ROM1: variants seen among roughly 807,000 people sequenced by gnomAD.
ROM1 encodes the protein retinal outer segment membrane protein 1.
A neutral mutation model predicts 23.0 loss-of-function variants in ROM1; 17 were observed. The observed-to-expected ratio is 0.74, with a 90% CI of 0.51 to 1.11. The LOEUF (loss-of-function observed/expected upper bound fraction) is 1.11. ROM1 is among the 50% of genes least tolerant of loss of function. The probability of loss-of-function intolerance (pLI) is 0.00; values close to 1 mark genes in which losing one functional copy is unlikely to be tolerated. For synonymous variants in ROM1, 200 were observed against 206.5 expected (o/e 0.97, Z 0.27); for missense variants, 436 against 439.7 (o/e 0.99, Z 0.08).
At position 62,614,456 on chromosome 11, in the gene ROM1, CTTGGCAGGCACACTGGGT is replaced by C. The variant is rs1942979267; in HGVS notation, c.790_807del (p.Leu264_Gly269del). 1.2e-6 allele frequency: 2 copies of C among 1,614,088 alleles called. No individual in the cohort carries two copies. The highest frequency in any genetic ancestry group is 3.3e-5 in the Admixed American group (2 of 60,006). ...AGGTGCTGCTGGAGCACTTGCAGGA[CTTGGCAGGCACACTGGGT>C]AGCATGCTGGCTGTCACCTTCCTAC... On this transcript the variant is annotated inframe_deletion, in exon 2 of 3. Coordinates refer to ENST00000278833, the MANE Select transcript of ROM1 (RefSeq NM_000327.4).
At position 62,614,356 on chromosome 11, in the gene ROM1, T is replaced by TG; in HGVS notation, c.689_690insG (p.Ser231PhefsTer25). ...CCCCGGCCTTGCCTGCAAAACCGTC[T>TG]TTCAGACTCCTACGCCCACCCCCTG... On this transcript the variant is annotated frameshift_variant, in exon 2 of 3. Transcript: ENST00000278833. LOFTEE classifies it high-confidence loss of function. 1.2e-6 allele frequency: 2 copies of TG among 1,614,114 alleles called. No individual in the cohort carries two copies. Among genetic ancestry groups the TG allele is most frequent in the Non-Finnish European group, 1.7e-6 (2 of 1,180,006 alleles).
In ROM1 at chr11:62,613,809, T is replaced by A; in HGVS notation, c.528T>A (p.Asp176Glu). 1 of 1,614,072 alleles carries A rather than the reference T, an allele frequency of 6.2e-7. No homozygotes were observed. Among genetic ancestry groups the A allele is most frequent in the Non-Finnish European group, 8.5e-7 (1 of 1,179,988 alleles). ...GCTGCGGGCGCCACGGGTACAAGGA[T>A]TGGTTTGGGGTCCAGTGGGTCAGCA... is the stretch of plus-strand genomic sequence containing the variant. ...YHCCGRHGYK[D>E]WFGVQWVSSR... is the part of the protein sequence containing the mutation. Residue 176 changes from aspartate to glutamate, a missense_variant, in exon 1 of 3, where the codon GAT (aspartate) becomes GAA (glutamate). Asp to Glu is a conservative substitution (Grantham distance 45). Transcript: ENST00000278833.
At position 62,613,661 on chromosome 11, in the gene ROM1, G is replaced by A; in HGVS notation, c.380G>A (p.Gly127Glu). ...CTCGGGCTAGCCCTGGCTTTGCCTGGGAGTCTGGATGAGGCGCTGGAGGAG... is the reference window on the plus strand; with the variant it reads ...CTCGGGCTAGCCCTGGCTTTGCCTGAGAGTCTGGATGAGGCGCTGGAGGAG... ...VGLGLALALP[G>E]SLDEALEEGL... The change falls in exon 1 of 3, where the codon GGG becomes GAG. Residue 127 changes from glycine to glutamate, a missense_variant. Physicochemically the swap from Gly to Glu is moderately conservative, Grantham distance 98. Coordinates refer to ENST00000278833, the MANE Select transcript of ROM1 (RefSeq NM_000327.4). The A allele has an allele frequency of 6.2e-7, 1 of 1,614,070 alleles. No individual in the cohort carries two copies.
Position 62,614,839 on chromosome 11 carries a change from G to C in ROM1, c.1056G>C (p.Ter352TyrextTer31). Residue 352 changes from the stop codon to tyrosine (Y), a stop_lost, in exon 3 of 3, where the codon TAG (stop) becomes TAC (tyrosine). Transcript: ENST00000278833. ...CCAAGGAGGATCTATCTGAGGCCTAGAGGCCTGGAGCTTGGGGTGAGGAAG... is the reference window on the plus strand; with the variant it reads ...CCAAGGAGGATCTATCTGAGGCCTACAGGCCTGGAGCTTGGGGTGAGGAAG... The part of the protein sequence containing the change: ...APPKEDLSEA[*>Y] 1.9e-6 allele frequency: 3 copies of C among 1,612,158 alleles called. No individual in the cohort carries two copies. Among genetic ancestry groups the C allele is most frequent in the African/African-American group, 2.7e-5 (2 of 75,016 alleles).
At position 62,613,730 on chromosome 11, in the gene ROM1, C is replaced by T. The variant is rs2134422047; in HGVS notation, c.449C>T (p.Pro150Leu). Residue 150 changes from proline (P) to leucine (L), a missense_variant, in exon 1 of 3, where the codon CCT (proline) becomes CTT (leucine). By Grantham distance (98) the Pro-to-Leu change is moderately conservative (BLOSUM62 -3). Transcript: ENST00000278833. The part of the protein sequence containing the change: ...ALAHYKDTEV[P>L]GHCQAKRLVD... ...GCTCACTACAAGGACACAGAGGTGC[C>T]TGGGCACTGTCAGGCCAAAAGGCTG... The T allele has an allele frequency of 5.0e-6, 8 of 1,614,208 alleles. No homozygotes were observed. The highest frequency in any genetic ancestry group is 6.8e-6 in the Non-Finnish European group (8 of 1,180,032).
Position 62,614,401 on chromosome 11 carries a change from A to G in ROM1, c.734A>G (p.Asn245Ser), listed in dbSNP as rs756491858. 2.6e-5 allele frequency: 42 copies of G among 1,613,888 alleles called. 1 individual carries two copies. In the Admixed American group the frequency reaches 3.0e-4, roughly 12 times the overall value. ...AHPLFDPRQP[N>S]QNLWAQGCHE... ...CCCCTGTTCGATCCCCGACAACCCA[A>G]CCAAAACCTCTGGGCCCAAGGGTGC... The change falls in exon 2 of 3, where the codon AAC becomes AGC. Residue 245 changes from asparagine (N) to serine (S), a missense_variant. Asn to Ser is a conservative substitution (Grantham distance 46). Transcript: ENST00000278833.
Position 62,613,356 on chromosome 11 carries a change from C to T in ROM1, c.75C>T (p.Ser25=), listed in dbSNP as rs1454782946. The T allele has an allele frequency of 6.2e-7, 1 of 1,613,656 alleles. No individual in the cohort carries two copies. Residue 25 remains serine, a synonymous_variant, in exon 1 of 3, where the codon TCC becomes TCT. Coordinates refer to ENST00000278833, the MANE Select transcript of ROM1 (RefSeq NM_000327.4). The stretch of plus-strand genomic sequence containing the variant: ...TGGCACAAGGGCTCTGGCTCCTCTC[C>T]TGGCTGCTGGCGCTGGCTGGTGGCG... ...IRLAQGLWLL[S]WLLALAGGVI...
chr11:62,615,103 G>C lies in ROM1; in HGVS notation c.*264G>C, dbSNP rs566443401. 1 of 507,432 alleles carries C rather than the reference G, an allele frequency of 2.0e-6. No individual in the cohort carries two copies. Among genetic ancestry groups the C allele is most frequent in the South Asian group, 2.3e-5 (1 of 42,620 alleles). 31.4% of individuals were successfully genotyped at this position (507,432 alleles called of 1,614,324 possible). On this transcript the variant is annotated 3_prime_UTR_variant, in exon 3 of 3. Transcript: ENST00000278833. ...CTGATTCTGATATAGACTCAATAAA[G>C]TTTTTGGATGGAAGCAATTGCTTTT...
In ROM1 at chr11:62,613,345, T is replaced by G. The variant is rs750676165; in HGVS notation, c.64T>G (p.Trp22Gly). The G allele has an allele frequency of 2.9e-5, 46 of 1,613,402 alleles. No individual in the cohort carries two copies. The highest frequency in any genetic ancestry group is 4.4e-5 in the South Asian group (4 of 90,968). ...CCGCATCCGCCTGGCACAAGGGCTC[T>G]GGCTCCTCTCCTGGCTGCTGGCGCT... ...QPRIRLAQGL[W>G]LLSWLLALAG... Residue 22 changes from tryptophan (W) to glycine (G), a missense_variant, in exon 1 of 3, where the codon TGG (tryptophan) becomes GGG (glycine). Transcript: ENST00000278833.
Position 62,614,289 on chromosome 11 carries a change from C to G in ROM1, c.622C>G (p.Leu208Val). 1 of 1,614,110 alleles carries G rather than the reference C, an allele frequency of 6.2e-7. No homozygotes were observed. The highest frequency in any genetic ancestry group is 8.5e-7 in the Non-Finnish European group (1 of 1,180,002). The part of the protein sequence containing the change: ...RIQSNVEGLY[L>V]TDGVPFSCCN... ...CCAGAGCAATGTAGAAGGCCTATAC[C>G]TGACTGATGGGGTCCCTTTCTCCTG... is the stretch of plus-strand genomic sequence containing the variant. Residue 208 changes from leucine to valine, a missense_variant, in exon 2 of 3, where the codon CTG becomes GTG. Physicochemically the swap from Leu to Val is conservative, Grantham distance 32 (BLOSUM62 1). Transcript: ENST00000278833.
rs146358003 is a variant in ROM1, at chr11:62,613,604, C to T, written c.323C>T (p.Thr108Met). The T allele has an allele frequency of 4.0e-4, 639 of 1,612,238 alleles. 2 individuals carry two copies. Among genetic ancestry groups the T allele is most frequent in the Admixed American group, 1.3e-3 (75 of 59,954 alleles). The change falls in exon 1 of 3, where the codon ACG (threonine) becomes ATG (methionine). Residue 108 changes from threonine to methionine, a missense_variant. Physicochemically the swap from Thr to Met is moderately conservative, Grantham distance 81. Coordinates refer to ENST00000278833, the MANE Select transcript of ROM1 (RefSeq NM_000327.4). ...CTGGGCCCGCTGCTGGTGGCTGGCA[C>T]GGCTGGTGGGGGGGGGCTCCTGGTC... is the stretch of plus-strand genomic sequence containing the variant. ...GVLGPLLVAG[T>M]AGGGGLLVVG...
rs1466770745 is a variant in ROM1 at position 62,614,921 on chromosome 11, G to T, written c.*82G>T. The T allele has an allele frequency of 8.2e-7, 1 of 1,221,870 alleles. No homozygotes were observed. The highest frequency in any genetic ancestry group is 1.2e-6 in the Non-Finnish European group (1 of 844,190). The allele number at this position is 1,221,870 out of a possible 1,614,324, so 75.7% of individuals were successfully genotyped here. A position where few individuals can be genotyped will look rare whatever the true frequency, so the allele number is the denominator to read the frequency against. On this transcript the variant is annotated 3_prime_UTR_variant, in exon 3 of 3. Transcript: ENST00000278833. ...AACTCCTTACCAAGGCTCCAGGTTG[G>T]GGGGATCGTAGGATTAGAGGGGCTA...
rs1366097402 is a variant in ROM1 at position 62,613,347 on chromosome 11, G to A, written c.66G>A (p.Trp22Ter). Residue 22 changes from tryptophan to a stop codon, truncating the protein, a stop_gained, in exon 1 of 3, where the codon TGG becomes TGA. Coordinates refer to ENST00000278833, the MANE Select transcript of ROM1 (RefSeq NM_000327.4). LOFTEE classifies it high-confidence loss of function. ...QPRIRLAQGL[W>*]LLSWLLALAG... ...GCATCCGCCTGGCACAAGGGCTCTG[G>A]CTCCTCTCCTGGCTGCTGGCGCTGG... 2.5e-6 allele frequency: 4 copies of A among 1,613,508 alleles called. No homozygotes were observed. The highest frequency in any genetic ancestry group is 3.4e-6 in the Non-Finnish European group (4 of 1,179,838).
chr11:62,615,018 A>C lies in ROM1; in HGVS notation c.*179A>C, dbSNP rs886048441. The C allele has an allele frequency of 2.6e-5, 16 of 611,388 alleles. No homozygotes were observed. The highest frequency in any genetic ancestry group is 8.7e-5 in the Admixed American group (3 of 34,486). The allele number at this position is 611,388 out of a possible 1,614,324, so 37.9% of individuals were successfully genotyped here. ...CCTAGGGCCTAGCCCTTGTAGTCAG[A>C]ACCACCAGGGAACAGCAAAGAACAG... On this transcript the variant is annotated 3_prime_UTR_variant, in exon 3 of 3. Transcript: ENST00000278833.
chr11:62,613,901 C>T (rs1303510572), intron 1 of ROM1, 30 bp downstream of exon 1: 3 of 1,613,220 alleles, frequency 1.9e-6, no homozygotes, highest in Admixed American at 1.7e-5. Context: ...CTTCCTCCTC[C>T]TCCTCCTCCC....
chr11:62,614,218 A>G, intron 1 of ROM1, 40 bp from the exon 2 acceptor site: 1 of 1,608,222 alleles, frequency 6.2e-7, no homozygotes. Flanking sequence ...CCAGGCCTCT[A>G]TCTCCAGACA....
rs918775545 is a variant in ROM1 at position 62,614,953 on chromosome 11, G to C, written c.*114G>C. ...CGTAGGATTAGAGGGGCTAAGGATAGTCAGCGAGCTGGACTGGGGTAAGAA... is the reference window on the plus strand; with the variant it reads ...CGTAGGATTAGAGGGGCTAAGGATACTCAGCGAGCTGGACTGGGGTAAGAA... On this transcript the variant is annotated 3_prime_UTR_variant, in exon 3 of 3. Transcript: ENST00000278833. 4 of 878,492 alleles carry C rather than the reference G, an allele frequency of 4.6e-6. No homozygotes were observed. In the African/African-American group the frequency reaches 6.7e-5, roughly 15 times the overall value. The allele number at this position is 878,492 out of a possible 1,614,324, so 54.4% of individuals were successfully genotyped here.
At position 62,614,791 on chromosome 11, in the gene ROM1, G is replaced by C. The variant is rs747160681; in HGVS notation, c.1008G>C (p.Glu336Asp). 4 of 1,614,190 alleles carry C rather than the reference G, an allele frequency of 2.5e-6. No homozygotes were observed. In the South Asian group the frequency reaches 4.4e-5, roughly 18 times the overall value. The change falls in exon 3 of 3, where the codon GAG becomes GAC. Residue 336 changes from glutamate to aspartate, a missense_variant. Glu to Asp is a conservative substitution (Grantham distance 45, BLOSUM62 2). Transcript: ENST00000278833. The stretch of plus-strand genomic sequence containing the variant: ...TTGCCTGCAGGCCAGCACCTGAGGA[G>C]GCCCCACCAGGAGAAGCACCTCCCA... ...GGVACRPAPE[E>D]APPGEAPPKE...
chr11:62,613,649 T>C lies in ROM1; in HGVS notation c.368T>C (p.Leu123Pro), dbSNP rs1942953600. ...CTGGTCGTCGGCCTCGGGCTAGCCC[T>C]GGCTTTGCCTGGGAGTCTGGATGAG... is the stretch of plus-strand genomic sequence containing the variant. ...GLLVVGLGLA[L>P]ALPGSLDEAL... Residue 123 changes from leucine to proline, a missense_variant, in exon 1 of 3, where the codon CTG (leucine) becomes CCG (proline). Physicochemically the swap from Leu to Pro is moderately conservative, Grantham distance 98. Transcript: ENST00000278833. 1.2e-6 allele frequency: 2 copies of C among 1,613,838 alleles called. No homozygotes were observed. Among genetic ancestry groups the C allele is most frequent in the Non-Finnish European group, 1.7e-6 (2 of 1,179,924 alleles).
Sources: gnomAD v4.1 joint callset for allele counts on GRCh38, gnomAD v4.1.1 for gene constraint, MANE v1.5 for transcripts, NCBI Gene and HGNC (gene_info 2026-07-23, HGNC 2026-07-21) for gene names.